Variants in ADGRB3 observed in about 807,000 individuals in gnomAD.
ADGRB3 encodes brain-specific angiogenesis inhibitor 3.
A neutral mutation model predicts 193.4 loss-of-function variants in ADGRB3; 37 were observed. The observed-to-expected ratio is 0.19, with a 90% CI of 0.15 to 0.25. The LOEUF (loss-of-function observed/expected upper bound fraction) is 0.25. ADGRB3 is among the 10% of genes least tolerant of loss of function. ADGRB3 has a pLI of 1.00. For synonymous variants in ADGRB3, 690 were observed against 644.2 expected, an observed-to-expected ratio of 1.07 and a Z score of -1.08; for missense variants, 1,637 against 1,852.9, an observed-to-expected ratio of 0.88 and a Z score of 2.14.
chr6:68,791,121 C>T (rs1164306690), intron 3 of ADGRB3, among the ~76,000 whole-genome samples: 1 of 149,962 alleles, frequency 6.7e-6, no homozygotes, highest in Non-Finnish European at 1.5e-5. Context: ...ATCCTTAAAA[C>T]AACTTATGTC....
intron 3 of ADGRB3, among the ~76,000 whole-genome samples, chr6:68,845,002 G>A (rs924324766): frequency 1.3e-5 from 2 of 152,136 alleles, no homozygotes; most frequent in African/African-American, 4.8e-5. Flanking sequence ...GGGAAGTGGA[G>A]ATGGCTAATG....
intron 17 of ADGRB3, among the ~76,000 whole-genome samples, chr6:69,164,375 A>T (rs1775079118): frequency 6.6e-6 from 1 of 152,246 alleles, no homozygotes; most frequent in Middle Eastern, 3.4e-3. Context: ...AAGTTAGAAA[A>T]AAAAAAGCTT....
intron 15 of ADGRB3, among the ~76,000 whole-genome samples, chr6:69,055,503 A>G (rs1771518686): frequency 6.6e-6 from 1 of 152,048 alleles, no homozygotes. Flanking sequence ...TTCATTGTTT[A>G]TGTATATACC....
At chr6:69,327,920 T>C (rs1428436021) in intron 22 of ADGRB3, 31 bp downstream of exon 22, 2 of 1,554,752 alleles carry the variant, frequency 1.3e-6, no homozygotes, top group Non-Finnish European at 1.8e-6. Flanking sequence ...AAATCATGTT[T>C]ATAATTTAAC....
At chr6:69,040,381 C>CTT (rs1383554780) in intron 13 of ADGRB3, among the ~76,000 whole-genome samples, 1,925 of 55,708 alleles carry the variant, frequency 0.035, 192 homozygotes, top group East Asian at 0.29. Context: ...TTCTTTCCTT[C>CTT]TCTCTCTTTC....
intron 13 of ADGRB3, among the ~76,000 whole-genome samples, chr6:69,026,168 GTCAAACCATGCCA>G (rs1770428480): frequency 6.6e-6 from 1 of 152,180 alleles, no homozygotes; most frequent in African/African-American, 2.4e-5. Context: ...AGATACAGAT[GTCAAACCATGCCA>G]TCAAACATGC....
At chr6:68,974,655 A>G in intron 8 of ADGRB3, 108 bp from the exon 9 acceptor site, 2 of 810,706 alleles carry the variant, frequency 2.5e-6, no homozygotes, top group Non-Finnish European at 2.0e-6. Context: ...AAAGAAAAAA[A>G]AAGAAAACTA....
At chr6:68,840,568 A>T (rs1582244493) in intron 3 of ADGRB3, among the ~76,000 whole-genome samples, 1 of 151,542 alleles carries the variant, frequency 6.6e-6, no homozygotes, top group Non-Finnish European at 1.5e-5. Flanking sequence ...GGTGGCTGCC[A>T]TGGGGAGACT....
At chr6:69,040,707 AAAC>A (rs1399100364) in intron 13 of ADGRB3, among the ~76,000 whole-genome samples, 9 of 60,456 alleles carry the variant, frequency 1.5e-4, no homozygotes, top group East Asian at 4.7e-4. Flanking sequence ...AAAAAAAAAA[AAAC>A]AAACAAGAAT....
intron 17 of ADGRB3, among the ~76,000 whole-genome samples, chr6:69,185,802 A>G (rs1454171990): frequency 6.6e-6 from 1 of 152,212 alleles, no homozygotes; most frequent in Admixed American, 6.5e-5. Flanking sequence ...AGCAATTAAC[A>G]TATTGTGAAT....
intron 3 of ADGRB3, among the ~76,000 whole-genome samples, chr6:68,783,472 T>C (rs951762254): frequency 2.6e-5 from 4 of 151,440 alleles, no homozygotes; most frequent in African/African-American, 7.3e-5. Context: ...TACCCTCAAG[T>C]TGAACTTGAA....
intron 3 of ADGRB3, among the ~76,000 whole-genome samples, chr6:68,758,468 T>C (rs189720640): frequency 6.6e-6 from 1 of 152,270 alleles, no homozygotes; most frequent in Non-Finnish European, 1.5e-5. Context: ...CAAAGTTTCA[T>C]TGTGTCCCTT....
At position 68,639,071 on chromosome 6, in the gene ADGRB3, A is replaced by C; in HGVS notation, c.396A>C (p.Arg132=). ...QYDKNFIQIR[R]VFPTNFPGLQ... ...ATAAAAATTTTATTCAAATACGTCG[A>C]GTATTTCCAACTAATTTCCCAGGAT... The change falls in exon 3 of 32, where the codon CGA becomes CGC. Residue 132 remains arginine (R), a synonymous_variant. Coordinates refer to ENST00000370598, the MANE Select transcript of ADGRB3 (RefSeq NM_001704.3). 2 of 1,614,078 alleles carry C rather than the reference A, an allele frequency of 1.2e-6. No individual in the cohort carries two copies. The highest frequency in any genetic ancestry group is 2.7e-5 in the African/African-American group (2 of 75,030).
chr6:68,766,988 G>C (rs763946218), intron 3 of ADGRB3, among the ~76,000 whole-genome samples: 1 of 151,808 alleles, frequency 6.6e-6, no homozygotes, highest in Non-Finnish European at 1.5e-5. Context: ...TATACATTTT[G>C]ACTAGTCATG....
intron 3 of ADGRB3, among the ~76,000 whole-genome samples, chr6:68,743,097 A>G (rs943192687): frequency 7.2e-5 from 11 of 151,988 alleles, no homozygotes; most frequent in Non-Finnish European, 1.3e-4. Context: ...ACATTTCTTT[A>G]GCTCAGAAAT....
chr6:69,240,952 GAGTTTA>G (rs1766371078), intron 20 of ADGRB3, among the ~76,000 whole-genome samples: 1 of 151,992 alleles, frequency 6.6e-6, no homozygotes, highest in South Asian at 2.1e-4. Context: ...CTAGAGCTCA[GAGTTTA>G]AGTTTTTTTC....
chr6:68,770,147 C>A lies in ADGRB3; in HGVS notation c.757+130715C>A, dbSNP rs1405583087. Among the ~76,000 whole-genome samples, 7 of 152,184 alleles carry A rather than the reference C, an allele frequency of 4.6e-5. No homozygotes were observed. In the South Asian group the frequency reaches 1.2e-3, roughly 27 times the overall value. On this transcript the variant is annotated intron_variant, in intron 3 of 31. Transcript: ENST00000370598. ...AGTAATTGGATTCTGATACTCCATT[C>A]TCAGTTTTATCCCAGGGCTCTTATT...
intron 3 of ADGRB3, among the ~76,000 whole-genome samples, chr6:68,882,802 T>C (rs1185182570): frequency 6.6e-6 from 1 of 152,206 alleles, no homozygotes; most frequent in Non-Finnish European, 1.5e-5. Flanking sequence ...TAATGTGATA[T>C]GAAAGAGTCC....
intron 13 of ADGRB3, among the ~76,000 whole-genome samples, chr6:69,027,042 T>A (rs751142392): frequency 2.0e-5 from 3 of 152,178 alleles, no homozygotes; most frequent in Non-Finnish European, 2.9e-5. Flanking sequence ...AAAAATAAAT[T>A]AACTTCAGCT....
Sources: allele counts gnomAD v4.1 joint callset (sites outside exome capture counted in the v4.1 genomes callset), GRCh38; gene constraint gnomAD v4.1.1; transcripts MANE v1.5; gene names NCBI Gene and HGNC (gene_info 2026-07-23, HGNC 2026-07-21).